ARFGEF1: variants seen among roughly 807,000 people sequenced by gnomAD.
ARFGEF1 encodes ARF guanine nucleotide exchange factor 1, also known as brefeldin A-inhibited guanine nucleotide-exchange protein 1.
ARFGEF1 carries 42 observed loss-of-function variants against 231.0 expected under a neutral mutation model. The observed-to-expected ratio is 0.18, with a 90% CI of 0.14 to 0.24. The LOEUF (loss-of-function observed/expected upper bound fraction) is 0.24, where lower values mean the gene tolerates loss of function less well. Ranked by LOEUF, ARFGEF1 falls within the 10% of genes least tolerant of loss-of-function variation. The pLI is 1.00. For missense variants in ARFGEF1, 1,345 were observed against 2,192.0 expected (o/e 0.61, Z 7.72); for synonymous variants, 710 against 732.3 (o/e 0.97, Z 0.49).
chr8:67,197,856 TG>T lies in ARFGEF1; in HGVS notation c.*1077del. On this transcript the variant is annotated 3_prime_UTR_variant, in exon 39 of 39. Transcript: ENST00000262215. ...GTTAATACGGAATGCTTGACAATCT[TG>T]TCTTTTAACCATCAGAGCACAATTC... The T allele has an allele frequency of 1.0e-6, 1 of 985,902 alleles. No homozygotes were observed. The highest frequency in any genetic ancestry group is 1.2e-6 in the Non-Finnish European group (1 of 829,940). The allele number at this position is 985,902 out of a possible 1,614,324, so 61.1% of individuals were successfully genotyped here. A position where few individuals can be genotyped will look rare whatever the true frequency, so the allele number is the denominator to read the frequency against.
rs375085256 is a variant in ARFGEF1 at position 67,301,194 on chromosome 8, A to T, written c.312+30T>A. On this transcript the variant is annotated intron_variant, in intron 3 of 38. Transcript: ENST00000262215. ...TTTTAGAAACACATTCAAAGTACAC[A>T]GTTTTTAGAAAGTGCCATTTTAGAC... 1.5e-4 allele frequency: 231 copies of T among 1,541,602 alleles called. 1 individual carries two copies. The African/African-American group carries it at 2.6e-3, about 17-fold the overall frequency.
chr8:67,253,020 T>G (rs188641956), intron 18 of ARFGEF1, among the ~76,000 whole-genome samples: 106 of 152,322 alleles, frequency 7.0e-4, no homozygotes, highest in African/African-American at 2.5e-3. Flanking sequence ...GGTTAACTAC[T>G]AAATGGATCA....
intron 22 of ARFGEF1, among the ~76,000 whole-genome samples, chr8:67,233,951 T>TA (rs1356151180): frequency 6.6e-6 from 1 of 152,100 alleles, no homozygotes. Context: ...AAATCAGAAT[T>TA]ACGTTCATAC....
chr8:67,224,780 A>T, intron 29 of ARFGEF1, 123 bp downstream of exon 29: 1 of 538,346 alleles, frequency 1.9e-6, no homozygotes, highest in South Asian at 7.3e-5. Context: ...CCTAATAATT[A>T]ATATATTTGA....
chr8:67,260,907 G>C (rs1804589830), intron 14 of ARFGEF1, among the ~76,000 whole-genome samples: 1 of 152,310 alleles, frequency 6.6e-6, no homozygotes, highest in South Asian at 2.1e-4. Context: ...TGCTGATATG[G>C]AGAAGGTTTT....
chr8:67,289,059 A>G (rs1385848176), intron 6 of ARFGEF1, among the ~76,000 whole-genome samples: 1 of 152,194 alleles, frequency 6.6e-6, no homozygotes, highest in Non-Finnish European at 1.5e-5. Flanking sequence ...TAGCTTGCAC[A>G]GTCTATTGCA....
chr8:67,175,262 T>A (rs771283905), downstream of ARFGEF1: 4 of 1,521,778 alleles, frequency 2.6e-6, no homozygotes, highest in Non-Finnish European at 3.6e-6. Context: ...AAAACAACAT[T>A]TAACTTAGTT....
chr8:67,248,782 G>T (rs185021937), intron 19 of ARFGEF1, among the ~76,000 whole-genome samples: 1 of 150,618 alleles, frequency 6.6e-6, no homozygotes, highest in Non-Finnish European at 1.5e-5. Context: ...TATAAATAAT[G>T]TTTGTAAAAT....
chr8:67,325,768 T>C (rs1295447714), intron 1 of ARFGEF1, among the ~76,000 whole-genome samples: 1 of 152,158 alleles, frequency 6.6e-6, no homozygotes, highest in Non-Finnish European at 1.5e-5. Context: ...AATTTCCCAA[T>C]GGGCAAAGAA....
intron 17 of ARFGEF1, among the ~76,000 whole-genome samples, chr8:67,254,050 A>G (rs1038010911): frequency 6.6e-6 from 1 of 152,264 alleles, no homozygotes; most frequent in Non-Finnish European, 1.5e-5. Flanking sequence ...AGTGGGTATA[A>G]GAGTAACAAT....
intron 1 of ARFGEF1, among the ~76,000 whole-genome samples, chr8:67,317,264 A>G (rs957394794): frequency 9.2e-5 from 14 of 152,106 alleles, no homozygotes; most frequent in African/African-American, 3.4e-4. Context: ...GAGTTGCTCT[A>G]CGTAACCGGA....
At chr8:67,191,584 T>C (rs1836268505) in intron 5 of ARFGEF1, among the ~76,000 whole-genome samples, 1 of 152,244 alleles carries the variant, frequency 6.6e-6, no homozygotes, top group Non-Finnish European at 1.5e-5. Context: ...TCATTCATGT[T>C]GTAGCATGTG....
intron 19 of ARFGEF1, among the ~76,000 whole-genome samples, chr8:67,248,121 A>G (rs895164183): frequency 1.3e-5 from 2 of 150,100 alleles, no homozygotes; most frequent in African/African-American, 5.0e-5. Context: ...CATTCTTCAG[A>G]GAAATAGAAA....
chr8:67,276,993 A>G (rs1805340120), intron 8 of ARFGEF1, among the ~76,000 whole-genome samples: 1 of 152,172 alleles, frequency 6.6e-6, no homozygotes, highest in Non-Finnish European at 1.5e-5. Context: ...ATATGTAATA[A>G]GAATGTTCTT....
At chr8:67,233,575 C>T (rs747048872) in intron 22 of ARFGEF1, among the ~76,000 whole-genome samples, 1 of 151,960 alleles carries the variant, frequency 6.6e-6, no homozygotes, top group Non-Finnish European at 1.5e-5. Flanking sequence ...TTTTTCATAT[C>T]ACCTGTTCAT....
intron 33 of ARFGEF1, among the ~76,000 whole-genome samples, chr8:67,215,473 T>C (rs1838893132): frequency 6.6e-6 from 1 of 152,202 alleles, no homozygotes; most frequent in Admixed American, 6.5e-5. Context: ...TCTTTTCAGA[T>C]GTAATTAACG....
chr8:67,200,230 C>G (rs1378605033), intron 38 of ARFGEF1, 166 bp downstream of exon 38: 1 of 682,858 alleles, frequency 1.5e-6, no homozygotes, highest in Non-Finnish European at 2.7e-6. Flanking sequence ...AAAGCAAGGA[C>G]TGAGGAAGAT....
chr8:67,187,888 G>A (rs904830659), intron 5 of ARFGEF1, among the ~76,000 whole-genome samples: 4 of 152,132 alleles, frequency 2.6e-5, no homozygotes, highest in Non-Finnish European at 5.9e-5. Context: ...ACTCAAAGTC[G>A]ATCTTACATC....
Position 67,258,270 on chromosome 8 carries a change from C to T in ARFGEF1, c.2256G>A (p.Leu752=). 5 of 1,601,230 alleles carry T rather than the reference C, an allele frequency of 3.1e-6. No homozygotes were observed. Among genetic ancestry groups the T allele is most frequent in the Non-Finnish European group, 3.4e-6 (4 of 1,169,508 alleles). ...RLDSTQVGEF[L]GDNDKFNKEV... is the part of the protein sequence containing the mutation. ...CTTTGTTAAATTTATCATTATCTCC[C>T]AGGAACTCACCCACTTGAGTCTAAA... Residue 752 remains leucine (L), a synonymous_variant, in exon 16 of 39, where the codon CTG becomes CTA. Coordinates refer to ENST00000262215, the MANE Select transcript of ARFGEF1 (RefSeq NM_006421.5).
Sources: allele counts gnomAD v4.1 joint callset (sites outside exome capture counted in the v4.1 genomes callset), GRCh38; gene constraint gnomAD v4.1.1; transcripts MANE v1.5; gene names NCBI Gene and HGNC (gene_info 2026-07-23, HGNC 2026-07-21).